MKLN1: variants seen among roughly 807,000 people sequenced by gnomAD.
MKLN1 encodes muskelin 1, also known as muskelin.
In MKLN1, 18 loss-of-function variants were observed where a neutral mutation model predicts 99.0. That is an observed-to-expected ratio of 0.18 (90% CI 0.13 to 0.27). The LOEUF (loss-of-function observed/expected upper bound fraction) is 0.27. MKLN1 is among the 10% of genes least tolerant of loss of function. The probability of loss-of-function intolerance (pLI) is 1.00; values close to 1 mark genes in which losing one functional copy is unlikely to be tolerated. For missense variants in MKLN1, 621 were observed against 875.9 expected, an observed-to-expected ratio of 0.71 and a Z score of 3.67; for synonymous variants, 288 against 293.2, an observed-to-expected ratio of 0.98 and a Z score of 0.18.
At position 131,491,803 on chromosome 7, in the gene MKLN1, T is replaced by A. The variant is rs188076348; in HGVS notation, c.*4075T>A. On this transcript the variant is annotated 3_prime_UTR_variant, in exon 18 of 18. Transcript: ENST00000352689. ...TGGTTTCCTTCTATCCACCAAATAC[T>A]GTGAATTGTTTTTCCATTTATTTTT... 16 of 152,786 alleles carry A rather than the reference T, an allele frequency of 1.0e-4. No individual in the cohort carries two copies. The highest frequency in any genetic ancestry group is 3.6e-4 in the African/African-American group (15 of 41,594). The allele number at this position is 152,786 out of a possible 1,614,324, so 9.5% of individuals were successfully genotyped here. A position where few individuals can be genotyped will look rare whatever the true frequency, so the allele number is the denominator to read the frequency against.
chr7:131,284,543 A>G (rs1369270931), intron 3 of MKLN1, among the ~76,000 whole-genome samples: 1 of 152,192 alleles, frequency 6.6e-6, no homozygotes, highest in Non-Finnish European at 1.5e-5. Context: ...GTGGGGAAGT[A>G]CCACTGTCCA....
chr7:131,199,956 C>A (rs1175532490), intron 2 of MKLN1, among the ~76,000 whole-genome samples: 1 of 152,184 alleles, frequency 6.6e-6, no homozygotes, highest in Non-Finnish European at 1.5e-5. Flanking sequence ...CCTCAGCCTC[C>A]CAAAGTGCTG....
At chr7:131,460,287 A>G (rs1796476920) in intron 12 of MKLN1, among the ~76,000 whole-genome samples, 1 of 152,000 alleles carries the variant, frequency 6.6e-6, no homozygotes, top group South Asian at 2.1e-4. Context: ...TCTATAATTC[A>G]TGTCTAAACT....
At chr7:131,444,553 A>T (rs1022593645) in intron 11 of MKLN1, among the ~76,000 whole-genome samples, 1 of 151,936 alleles carries the variant, frequency 6.6e-6, no homozygotes, top group African/African-American at 2.4e-5. Context: ...AATATTTTTT[A>T]TCTTAATGTC....
intron 3 of MKLN1, among the ~76,000 whole-genome samples, chr7:131,269,468 T>C (rs1388232426): frequency 6.6e-6 from 1 of 152,244 alleles, no homozygotes; most frequent in African/African-American, 2.4e-5. Flanking sequence ...GGTTCTGCCC[T>C]CATGACCTAA....
chr7:131,269,368 G>GTC (rs1797852590), intron 3 of MKLN1, among the ~76,000 whole-genome samples: 1 of 152,106 alleles, frequency 6.6e-6, no homozygotes, highest in South Asian at 2.1e-4. Flanking sequence ...CATAGAGGGC[G>GTC]TCTTCTTGTT....
exon 3 of MKLN1, chr7:131,202,945 G>A (rs569653583): frequency 6.6e-6 from 1 of 152,308 alleles, no homozygotes; most frequent in Admixed American, 6.5e-5. Flanking sequence ...CCTGTACAAG[G>A]CACCTTGGTA....
At chr7:131,331,803 G>A (rs777717875) in intron 1 of MKLN1, among the ~76,000 whole-genome samples, 2 of 152,148 alleles carry the variant, frequency 1.3e-5, no homozygotes, top group Non-Finnish European at 2.9e-5. Context: ...TTATCTTGAT[G>A]TTTAAGATTT....
chr7:131,371,615 C>G (rs1244069487), intron 1 of MKLN1, among the ~76,000 whole-genome samples: 1 of 152,088 alleles, frequency 6.6e-6, no homozygotes, highest in African/African-American at 2.4e-5. Context: ...CTTGATTTTG[C>G]ATTTAGTGGT....
At chr7:131,455,836 A>T (rs1485768020) in intron 12 of MKLN1, among the ~76,000 whole-genome samples, 1 of 152,186 alleles carries the variant, frequency 6.6e-6, no homozygotes, top group Non-Finnish European at 1.5e-5. Flanking sequence ...ACCTGAGGTC[A>T]GGAGTTCAAG....
At chr7:131,431,122 T>G (rs920553727) in intron 9 of MKLN1, among the ~76,000 whole-genome samples, 2 of 151,810 alleles carry the variant, frequency 1.3e-5, no homozygotes, top group Non-Finnish European at 2.9e-5. Flanking sequence ...GCTGGGAGGC[T>G]GAGGCAGGAG....
intron 3 of MKLN1, among the ~76,000 whole-genome samples, chr7:131,231,560 A>C (rs1415424784): frequency 6.6e-6 from 1 of 151,900 alleles, no homozygotes; most frequent in East Asian, 1.9e-4. Context: ...AGTGGTTTGA[A>C]CTCTCTGCAG....
At chr7:131,244,020 C>G (rs1272357735) in intron 3 of MKLN1, among the ~76,000 whole-genome samples, 1 of 151,894 alleles carries the variant, frequency 6.6e-6, no homozygotes, top group Admixed American at 6.6e-5. Flanking sequence ...CTCAAAAAAA[C>G]AAACAAACAA....
At chr7:131,128,764 C>T (rs1213249099) in intron 1 of MKLN1, among the ~76,000 whole-genome samples, 1 of 51,106 alleles carries the variant, frequency 2.0e-5, no homozygotes, top group African/African-American at 7.2e-5. Flanking sequence ...GCCACCATGT[C>T]TGGATAATAT....
chr7:131,294,821 G>A (rs1333432278), intron 3 of MKLN1, among the ~76,000 whole-genome samples: 1 of 152,164 alleles, frequency 6.6e-6, no homozygotes, highest in African/African-American at 2.4e-5. Context: ...CTGGTGCCAA[G>A]ATAATCTGAT....
intron 2 of MKLN1, among the ~76,000 whole-genome samples, chr7:131,380,665 T>A (rs976789814): frequency 1.3e-5 from 2 of 152,220 alleles, no homozygotes; most frequent in Non-Finnish European, 2.9e-5. Flanking sequence ...GTGACCTGCT[T>A]GTTTCAAATC....
At position 131,444,763 on chromosome 7, in the gene MKLN1, A is replaced by AAGTAGT. The variant is rs60459266; in HGVS notation, c.1396-957_1396-952dup. Among the ~76,000 whole-genome samples, 42 of 117,958 alleles carry AAGTAGT rather than the reference A, an allele frequency of 3.6e-4. 1 individual carries two copies. Among genetic ancestry groups the AAGTAGT allele is most frequent in the Admixed American group, 1.3e-3 (14 of 10,948 alleles). The allele number at this position is 117,958 out of a possible 152,430, so 77.4% of individuals were successfully genotyped here. A position where few individuals can be genotyped will look rare whatever the true frequency, so the allele number is the denominator to read the frequency against. ...GTAGTAGTAGTAGTAGTAGTAGAAG[A>AAGTAGT]AGTAGTAGTAGTAGTAGTAGTAGTA... On this transcript the variant is annotated intron_variant, in intron 11 of 17. Coordinates refer to ENST00000352689, the MANE Select transcript of MKLN1 (RefSeq NM_013255.5).
chr7:131,189,626 G>T (rs927174524), intron 2 of MKLN1, among the ~76,000 whole-genome samples: 2 of 151,906 alleles, frequency 1.3e-5, no homozygotes, highest in Admixed American at 6.6e-5. Context: ...GCCAGTCAGG[G>T]TCCTTAGCTT....
chr7:131,468,843 G>T (rs1157704602), intron 15 of MKLN1, among the ~76,000 whole-genome samples: 1 of 152,170 alleles, frequency 6.6e-6, no homozygotes, highest in Non-Finnish European at 1.5e-5. Flanking sequence ...ACTGGATATA[G>T]GACTGTGGGT....
Sources: allele counts gnomAD v4.1 joint callset (sites outside exome capture counted in the v4.1 genomes callset), GRCh38; gene constraint gnomAD v4.1.1; transcripts MANE v1.5; gene names NCBI Gene and HGNC (gene_info 2026-07-23, HGNC 2026-07-21).